HTT: variants seen among roughly 807,000 people sequenced by gnomAD.
HTT encodes the protein huntington disease protein.
A neutral mutation model predicts 362.3 loss-of-function variants in HTT; 104 were observed. The observed-to-expected ratio is 0.29, with a 90% CI of 0.24 to 0.34. The LOEUF (loss-of-function observed/expected upper bound fraction) is 0.34. Ranked by LOEUF, HTT falls within the 10% of genes least tolerant of loss-of-function variation. HTT has a pLI of 1.00. For missense variants in HTT, 3,301 were observed against 3,928.6 expected (o/e 0.84, Z 4.27); for synonymous variants, 1,577 against 1,548.7 (o/e 1.02, Z -0.43).
chr4:3,212,282 G>C (rs556497118), intron 48 of HTT, 140 bp downstream of exon 48: 1 of 736,184 alleles, frequency 1.4e-6, no homozygotes, highest in Non-Finnish European at 2.2e-6. Flanking sequence ...GAGCAGCACG[G>C]GTGTCCTCGG....
chr4:3,200,463 T>C (rs773984051), intron 41 of HTT, among the ~76,000 whole-genome samples: 20 of 152,210 alleles, frequency 1.3e-4, no homozygotes, highest in Non-Finnish European at 2.5e-4. Flanking sequence ...GCTCCATTTC[T>C]AGGTGCTCCA....
chr4:3,153,468 C>T (rs142317980), intron 26 of HTT, among the ~76,000 whole-genome samples: 17 of 152,202 alleles, frequency 1.1e-4, no homozygotes, highest in African/African-American at 4.1e-4. Flanking sequence ...TTGGGAGTCT[C>T]GATGTTCTAT....
intron 61 of HTT, 131 bp from the exon 62 acceptor site, chr4:3,235,153 C>T (rs536538016): frequency 1.7e-5 from 11 of 660,620 alleles, no homozygotes; most frequent in African/African-American, 7.2e-5. Flanking sequence ...GGGGGAGCCA[C>T]TCAGGGTAGG....
intron 26 of HTT, among the ~76,000 whole-genome samples, chr4:3,149,719 T>C (rs370176778): frequency 1.3e-5 from 2 of 152,208 alleles, no homozygotes; most frequent in Non-Finnish European, 2.9e-5. Context: ...CTGCCATCAG[T>C]CTTCTCCCTT....
chr4:3,081,128 A>G (rs550077660), intron 1 of HTT, among the ~76,000 whole-genome samples: 14 of 152,216 alleles, frequency 9.2e-5, no homozygotes, highest in South Asian at 4.1e-4. Context: ...AAAGAAGCCA[A>G]GTAGGATTCT....
chr4:3,240,296 A>G lies in HTT; in HGVS notation c.*237A>G, dbSNP rs887914916. 1 of 577,428 alleles carries G rather than the reference A, an allele frequency of 1.7e-6. No homozygotes were observed. Among genetic ancestry groups the G allele is most frequent in the South Asian group, 2.0e-5 (1 of 49,572 alleles). 35.8% of individuals were successfully genotyped at this position (577,428 alleles called of 1,614,324 possible). On this transcript the variant is annotated 3_prime_UTR_variant, in exon 67 of 67. Transcript: ENST00000355072. ...CTGAGCCTGAGGCCTTCCAGAAAGC[A>G]GGAGCAGCTGTGCTGCACCCCATGT...
intron 47 of HTT, among the ~76,000 whole-genome samples, chr4:3,210,489 A>C (rs938674801): frequency 6.6e-6 from 1 of 152,108 alleles, no homozygotes; most frequent in African/African-American, 2.4e-5. Flanking sequence ...CCTCTGTTAG[A>C]TGTAGTGAGG....
rs767115582 is a variant in HTT, at chr4:3,208,861, C to T, written c.6241C>T (p.Pro2081Ser). 1 of 1,614,132 alleles carries T rather than the reference C, an allele frequency of 6.2e-7. No homozygotes were observed. The highest frequency in any genetic ancestry group is 1.1e-5 in the South Asian group (1 of 91,074). ...TCCCTCTCCTCCAGTCTCTTCCCAC[C>T]CGCTGGACGGGGATGGGCACGTGTC... Reference protein sequence around the residue: ...LSPSPPVSSHPLDGDGHVSLE... With the variant: ...LSPSPPVSSHSLDGDGHVSLE... Residue 2081 changes from proline to serine, a missense_variant, in exon 46 of 67, where the codon CCG (proline) becomes TCG (serine). This residue lies in a region of HTT where 2,316 missense variants were observed against 2,658.5 expected (regional missense o/e 0.87). Transcript: ENST00000355072.
chr4:3,153,297 A>G (rs766649778), intron 26 of HTT, among the ~76,000 whole-genome samples: 3 of 152,148 alleles, frequency 2.0e-5, no homozygotes, highest in Non-Finnish European at 2.9e-5. Context: ...CACCCTGGTA[A>G]TTAAGTTTCA....
chr4:3,122,897 G>C lies in HTT; in HGVS notation c.1282G>C (p.Gly428Arg). Residue 428 changes from glycine (G) to arginine (R), a missense_variant, in exon 10 of 67, where the codon GGT becomes CGT. Physicochemically the swap from Gly to Arg is moderately radical, Grantham distance 125 (BLOSUM62 -2). Coordinates refer to ENST00000355072, the MANE Select transcript of HTT (RefSeq NM_001388492.1). ...GSIVELIAGG[G>R]SSCSPVLSRK... is the part of the protein sequence containing the mutation. Reference sequence around the variant, plus strand: ...CTTTCTGTGATTTGCAGCTGGAGGGGGTTCCTCATGCAGCCCTGTCCTTTC... The same window carrying C: ...CTTTCTGTGATTTGCAGCTGGAGGGCGTTCCTCATGCAGCCCTGTCCTTTC... The C allele has an allele frequency of 6.2e-7, 1 of 1,608,866 alleles. No individual in the cohort carries two copies. The highest frequency in any genetic ancestry group is 1.3e-5 in the African/African-American group (1 of 74,864).
At chr4:3,111,051 C>T (rs531431044) in intron 6 of HTT, among the ~76,000 whole-genome samples, 1 of 152,046 alleles carries the variant, frequency 6.6e-6, no homozygotes, top group Admixed American at 6.6e-5. Context: ...GGGGTCTTGC[C>T]CTGTTGCCCA....
At chr4:3,083,866 T>C (rs141272052) in intron 1 of HTT, among the ~76,000 whole-genome samples, 79 of 152,200 alleles carry the variant, frequency 5.2e-4, no homozygotes, top group African/African-American at 1.8e-3. Context: ...ACCCATAATA[T>C]CTAAGAACTG....
chr4:3,108,134 A>G (rs1714532434), intron 6 of HTT, among the ~76,000 whole-genome samples: 1 of 152,226 alleles, frequency 6.6e-6, no homozygotes, highest in Non-Finnish European at 1.5e-5. Flanking sequence ...TGGGACCCAT[A>G]TAGGGCAACT....
chr4:3,199,376 C>T (rs1488230047), intron 40 of HTT, among the ~76,000 whole-genome samples: 2 of 152,044 alleles, frequency 1.3e-5, no homozygotes, highest in African/African-American at 2.4e-5. Context: ...CCCCTCTATA[C>T]TAAAAATACA....
chr4:3,173,148 G>C lies in HTT; in HGVS notation c.4166+17G>C. ...CACCTCGGGGTAACAGTTGTGGCAA[G>C]AATGCTGTCGTTGGTGGAAGCACGA... is the stretch of plus-strand genomic sequence containing the variant. On this transcript the variant is annotated intron_variant, in intron 31 of 66. Transcript: ENST00000355072. 4 of 1,600,064 alleles carry C rather than the reference G, an allele frequency of 2.5e-6. No homozygotes were observed. The highest frequency in any genetic ancestry group is 3.4e-6 in the Non-Finnish European group (4 of 1,168,134).
chr4:3,085,091 C>T (rs539982414), intron 1 of HTT, among the ~76,000 whole-genome samples: 142 of 151,604 alleles, frequency 9.4e-4, no homozygotes, highest in African/African-American at 3.4e-3. Context: ...CTTGTGTGCC[C>T]GTGCAGATTG....
At chr4:3,216,336 G>A (rs963481103) in intron 51 of HTT, among the ~76,000 whole-genome samples, 1 of 152,180 alleles carries the variant, frequency 6.6e-6, no homozygotes, top group South Asian at 2.1e-4. Context: ...TGCTACCTAA[G>A]GAATATGAAA....
chr4:3,078,122 G>T (rs1408986762), intron 1 of HTT, among the ~76,000 whole-genome samples: 1 of 152,216 alleles, frequency 6.6e-6, no homozygotes, highest in Non-Finnish European at 1.5e-5. Context: ...AGCAAATCTA[G>T]CATGCTTGGG....
intron 59 of HTT, among the ~76,000 whole-genome samples, chr4:3,229,247 C>G (rs1280380168): frequency 6.8e-6 from 1 of 147,470 alleles, no homozygotes; most frequent in African/African-American, 2.5e-5. Flanking sequence ...CACACACACG[C>G]CACACCACAT....
Sources: allele counts gnomAD v4.1 joint callset (sites outside exome capture counted in the v4.1 genomes callset), GRCh38; gene constraint gnomAD v4.1.1; regional missense constraint gnomAD v4.1.1; transcripts MANE v1.5; gene names NCBI Gene and HGNC (gene_info 2026-07-23, HGNC 2026-07-21).